LENG8: variants seen among roughly 807,000 people sequenced by gnomAD.
LENG8 encodes leukocyte receptor cluster member 8, also known as leukocyte receptor cluster (LRC) member 8.
Under a neutral mutation model 102.1 loss-of-function variants are expected in LENG8, and 28 were observed. The observed-to-expected ratio is 0.27, with a 90% CI of 0.20 to 0.38. The LOEUF is 0.38. Ranked by LOEUF, LENG8 falls within the 10% of genes least tolerant of loss-of-function variation. LENG8 has a pLI of 1.00. For missense variants in LENG8, 1,022 were observed against 1,113.9 expected, an observed-to-expected ratio of 0.92 and a Z score of 1.17; for synonymous variants, 531 against 456.7, an observed-to-expected ratio of 1.16 and a Z score of -2.07.
In LENG8 at chr19:54,461,438, G is replaced by A; in HGVS notation, c.*510G>A. The A allele has an allele frequency of 2.2e-6, 1 of 460,228 alleles. No homozygotes were observed. Among genetic ancestry groups the A allele is most frequent in the Non-Finnish European group, 4.4e-6 (1 of 227,210 alleles). 28.5% of individuals were successfully genotyped at this position (460,228 alleles called of 1,614,324 possible). A position where few individuals can be genotyped will look rare whatever the true frequency, so the allele number is the denominator to read the frequency against. On this transcript the variant is annotated 3_prime_UTR_variant, in exon 16 of 16. Coordinates refer to ENST00000326764, the MANE Select transcript of LENG8 (RefSeq NM_052925.4). The stretch of plus-strand genomic sequence containing the variant: ...GCCCCTTGGGGCCTCCGTGTTTGGG[G>A]TGGGGGAGCTGCTTAGAGACTGTGC...
chr19:54,460,194 G>A, intron 15 of LENG8: 1 of 1,290,018 alleles, frequency 7.8e-7, no homozygotes, highest in South Asian at 1.2e-5. Flanking sequence ...GTTCCTGTGT[G>A]TGTGGAAAGG....
chr19:54,452,848 G>C, intron 4 of LENG8, 96 bp downstream of exon 4: 1 of 832,848 alleles, frequency 1.2e-6, no homozygotes, highest in Admixed American at 2.1e-5. Flanking sequence ...GCTGGGTGGT[G>C]GATGGACTGG....
Position 54,458,302 on chromosome 19 carries a change from T to G in LENG8, c.2033-12T>G. On this transcript the variant is annotated splice_polypyrimidine_tract_variant and intron_variant, in intron 14 of 15. Coordinates refer to ENST00000326764, the MANE Select transcript of LENG8 (RefSeq NM_052925.4). The stretch of plus-strand genomic sequence containing the variant: ...AGCCCTGCTGACTTCACCCTCTTTG[T>G]CTTGGTGCTAGACATCACCACGGAG... The G allele has an allele frequency of 6.2e-7, 1 of 1,613,334 alleles. No individual in the cohort carries two copies. Among genetic ancestry groups the G allele is most frequent in the Non-Finnish European group, 8.5e-7 (1 of 1,179,514 alleles).
In LENG8 at chr19:54,455,372, C is replaced by T. The variant is rs370799951; in HGVS notation, c.830C>T (p.Ser277Phe). 1 of 1,614,138 alleles carries T rather than the reference C, an allele frequency of 6.2e-7. No homozygotes were observed. Among genetic ancestry groups the T allele is most frequent in the African/African-American group, 1.3e-5 (1 of 75,048 alleles). The change falls in exon 8 of 16, where the codon TCT (serine) becomes TTT (phenylalanine). Residue 277 changes from serine (S) to phenylalanine (F), a missense_variant. Ser to Phe is a radical substitution (Grantham distance 155). Transcript: ENST00000326764. ...PEKVQNHSGSSARGNLSGKPD... is the reference protein window; with the variant it reads ...PEKVQNHSGSFARGNLSGKPD... Reference sequence around the variant, plus strand: ...CATCTGTCCTCCCGCAGCGGGTCCTCTGCCCGGGGGAACCTGTCTGGGAAG... The same window carrying T: ...CATCTGTCCTCCCGCAGCGGGTCCTTTGCCCGGGGGAACCTGTCTGGGAAG...
chr19:54,450,633 T>A (rs961260179), intron 1 of LENG8, among the ~76,000 whole-genome samples: 3 of 150,276 alleles, frequency 2.0e-5, no homozygotes, highest in Non-Finnish European at 4.4e-5. Flanking sequence ...TTTTTTTTTT[T>A]TTTTTTGAGA....
chr19:54,460,916 G>C lies in LENG8; in HGVS notation c.2391G>C (p.Leu797=), dbSNP rs747178986. 6.5e-7 allele frequency: 1 copy of C among 1,548,740 alleles called. No individual in the cohort carries two copies. Among genetic ancestry groups the C allele is most frequent in the South Asian group, 1.2e-5 (1 of 84,288 alleles). Reference sequence around the variant, plus strand: ...ACTGCCGCCTCAGCCTGGCGCAGCTGTCAGCCTTCTGAGCACCCAGCGAGG... The same window carrying C: ...ACTGCCGCCTCAGCCTGGCGCAGCTCTCAGCCTTCTGAGCACCCAGCGAGG... The part of the protein sequence containing the change: ...SIDCRLSLAQ[L]SAF The change falls in exon 16 of 16, where the codon CTG becomes CTC. Residue 797 remains leucine (L), a synonymous_variant. Transcript: ENST00000326764.
Position 54,456,153 on chromosome 19 carries a change from C to G in LENG8, c.1212C>G (p.Arg404=). ...ACAGCTTCACCAAGTTTGGCAACCG[C>G]AACGTCTTCATGAAGGACAACAGCT... ...RGNSFTKFGN[R]NVFMKDNSSS... Residue 404 remains arginine (R), a synonymous_variant, in exon 9 of 16, where the codon CGC becomes CGG. Coordinates refer to ENST00000326764, the MANE Select transcript of LENG8 (RefSeq NM_052925.4). 1 of 1,611,182 alleles carries G rather than the reference C, an allele frequency of 6.2e-7. No homozygotes were observed. Among genetic ancestry groups the G allele is most frequent in the Non-Finnish European group, 8.5e-7 (1 of 1,178,050 alleles).
At position 54,461,011 on chromosome 19, in the gene LENG8, G is replaced by T; in HGVS notation, c.*83G>T. On this transcript the variant is annotated 3_prime_UTR_variant, in exon 16 of 16. Coordinates refer to ENST00000326764, the MANE Select transcript of LENG8 (RefSeq NM_052925.4). ...ATTCTGTTTTTGAGCCGTGGACTTG[G>T]GTTGTAAATTTATTTGTGGGGAGTG... The T allele has an allele frequency of 6.5e-7, 1 of 1,529,718 alleles. No homozygotes were observed. The allele number at this position is 1,529,718 out of a possible 1,614,324, so 94.8% of individuals were successfully genotyped here.
intron 11 of LENG8, among the ~76,000 whole-genome samples, chr19:54,457,455 C>T (rs572190192): frequency 6.6e-6 from 1 of 152,324 alleles, no homozygotes; most frequent in Admixed American, 6.5e-5. Context: ...ATTCTCCTGC[C>T]TCAGCCTCCC....
chr19:54,461,425 C>T lies in LENG8; in HGVS notation c.*497C>T, dbSNP rs868735036. The T allele has an allele frequency of 6.5e-5, 30 of 459,092 alleles. No individual in the cohort carries two copies. Among genetic ancestry groups the T allele is most frequent in the African/African-American group, 5.6e-4 (28 of 50,222 alleles). The allele number at this position is 459,092 out of a possible 1,614,324, so 28.4% of individuals were successfully genotyped here. ...ACTCTTGTTCCCAGCCCCTTGGGGC[C>T]TCCGTGTTTGGGGTGGGGGAGCTGC... On this transcript the variant is annotated 3_prime_UTR_variant, in exon 16 of 16. Coordinates refer to ENST00000326764, the MANE Select transcript of LENG8 (RefSeq NM_052925.4).
intron 1 of LENG8, among the ~76,000 whole-genome samples, 186 bp from the exon 2 acceptor site, chr19:54,451,104 G>T (rs2083941162): frequency 6.6e-6 from 1 of 152,174 alleles, no homozygotes; most frequent in East Asian, 1.9e-4. Context: ...GGGGCCAGGG[G>T]CTTCCCCTCA....
chr19:54,452,310 T>G, intron 3 of LENG8, 43 bp downstream of exon 3: 1 of 1,539,388 alleles, frequency 6.5e-7, no homozygotes, highest in Non-Finnish European at 8.8e-7. Context: ...AGCCAGAGGT[T>G]GTGGGAGGGA....
rs774670390 is a variant in LENG8 at position 54,458,428 on chromosome 19, G to A, written c.2147G>A (p.Arg716Gln). 12 of 1,614,116 alleles carry A rather than the reference G, an allele frequency of 7.4e-6. No homozygotes were observed. In the East Asian group the frequency reaches 1.1e-4, roughly 15 times the overall value. The change falls in exon 15 of 16, where the codon CGG becomes CAG. Residue 716 changes from arginine (R) to glutamine (Q), a missense_variant. Around this residue, in one of 7 missense-constraint regions of LENG8, gnomAD observed 129 missense variants for 123.0 expected, o/e 1.05. Transcript: ENST00000326764. ...WALGNYHRFF[R>Q]LYCHAPCMSG... ...CTGGGCAACTACCACCGCTTTTTCC[G>A]GCTCTACTGCCATGCACCCTGCATG...
Position 54,460,949 on chromosome 19 carries a change from G to A in LENG8, c.*21G>A. ...TCTGAGCACCCAGCGAGGAGGGGCG[G>A]GGGCAGGGGCTGCAGCCCCCAGCGC... On this transcript the variant is annotated 3_prime_UTR_variant, in exon 16 of 16. Coordinates refer to ENST00000326764, the MANE Select transcript of LENG8 (RefSeq NM_052925.4). 6.5e-7 allele frequency: 1 copy of A among 1,539,276 alleles called. No individual in the cohort carries two copies. The highest frequency in any genetic ancestry group is 8.7e-7 in the Non-Finnish European group (1 of 1,146,496).
At chr19:54,458,984 T>G (rs1052635607) in intron 15 of LENG8, 8 of 1,459,852 alleles carry the variant, frequency 5.5e-6, no homozygotes, top group Non-Finnish European at 6.3e-6. Flanking sequence ...CAGAAACGCT[T>G]AGGGAGACAC....
At chr19:54,457,254 A>AC (rs1283784814) in intron 11 of LENG8, among the ~76,000 whole-genome samples, 1 of 152,212 alleles carries the variant, frequency 6.6e-6, no homozygotes, top group Non-Finnish European at 1.5e-5. Context: ...TGGCGTAGTC[A>AC]CTGTTCTGCT....
chr19:54,457,935 T>C lies in LENG8; in HGVS notation c.1835T>C (p.Val612Ala), dbSNP rs1485156496. ...QMKSIRQDLTVQGIRTEFTVE... is the reference protein window; with the variant it reads ...QMKSIRQDLTAQGIRTEFTVE... The stretch of plus-strand genomic sequence containing the variant: ...CTTGTTCTCGCCCCGCTGCCCCAGG[T>C]GCAGGGCATCCGCACCGAGTTCACG... Residue 612 changes from valine (V) to alanine (A), a missense_variant and splice_region_variant, in exon 13 of 16, where the codon GTG becomes GCG. Physicochemically the swap from Val to Ala is moderately conservative, Grantham distance 64. Around this residue, in one of 7 missense-constraint regions of LENG8, gnomAD observed 158 missense variants for 229.0 expected, o/e 0.69. Coordinates refer to ENST00000326764, the MANE Select transcript of LENG8 (RefSeq NM_052925.4). The C allele has an allele frequency of 1.2e-6, 2 of 1,613,886 alleles. No individual in the cohort carries two copies.
chr19:54,459,571 G>C lies in LENG8; in HGVS notation c.2240+1050G>C, dbSNP rs987257052. 5.1e-6 allele frequency: 5 copies of C among 990,060 alleles called. No homozygotes were observed. In the African/African-American group the frequency reaches 8.7e-5, roughly 17 times the overall value. 61.3% of individuals were successfully genotyped at this position (990,060 alleles called of 1,614,324 possible). ...CACAGCATGGGGGCCTTGAGAGCCT[G>C]GCCAGGTGGCCCTCCACGTGAGGTC... On this transcript the variant is annotated intron_variant, in intron 15 of 15. Coordinates refer to ENST00000326764, the MANE Select transcript of LENG8 (RefSeq NM_052925.4).
Position 54,457,763 on chromosome 19 carries a change from T to A in LENG8, c.1748T>A (p.Leu583Gln). 1 of 1,613,970 alleles carries A rather than the reference T, an allele frequency of 6.2e-7. No homozygotes were observed. Among genetic ancestry groups the A allele is most frequent in the Non-Finnish European group, 8.5e-7 (1 of 1,179,804 alleles). ...VRPVAVLKKS[L>Q]CMVKCHWKEK... The stretch of plus-strand genomic sequence containing the variant: ...CTTTTTCAGGTTTTGAAAAAGTCGC[T>A]GTGCATGGTCAAGTGCCACTGGAAA... Residue 583 changes from leucine to glutamine, a missense_variant, in exon 12 of 16, where the codon CTG (leucine) becomes CAG (glutamine). Physicochemically the swap from Leu to Gln is moderately radical, Grantham distance 113. Transcript: ENST00000326764.
Sources: allele counts gnomAD v4.1 joint callset (sites outside exome capture counted in the v4.1 genomes callset), GRCh38; gene constraint gnomAD v4.1.1; regional missense constraint gnomAD v4.1.1; transcripts MANE v1.5; gene names NCBI Gene and HGNC (gene_info 2026-07-23, HGNC 2026-07-21).